FRYL: variants seen among roughly 807,000 people sequenced by gnomAD.
The protein encoded by FRYL is protein furry homolog-like.
FRYL carries 150 observed loss-of-function variants against 351.2 expected under a neutral mutation model. The ratio of observed to expected loss-of-function variants is 0.43; its 90% CI spans 0.37 to 0.49. FRYL has a LOEUF of 0.49. FRYL is among the 20% of genes least tolerant of loss of function. The pLI is 0.00. For synonymous variants in FRYL, 1,153 were observed against 1,257.1 expected (o/e 0.92, Z 1.75); for missense variants, 3,036 against 3,619.3 (o/e 0.84, Z 4.13).
intron 3 of FRYL, chr4:48,637,561 A>G (rs1754486286): frequency 7.0e-6 from 1 of 143,620 alleles, no homozygotes; most frequent in Non-Finnish European, 1.5e-5. Flanking sequence ...AATTCTAAAG[A>G]TTGCAATTCA....
intron 33 of FRYL, among the ~76,000 whole-genome samples, chr4:48,558,407 T>C (rs1734617230): frequency 6.6e-6 from 1 of 152,102 alleles, no homozygotes; most frequent in Non-Finnish European, 1.5e-5. Flanking sequence ...AAACACAAAG[T>C]AGAATTCTGA....
chr4:48,679,259 A>G (rs997753551), intron 3 of FRYL, among the ~76,000 whole-genome samples: 4 of 152,170 alleles, frequency 2.6e-5, no homozygotes, highest in African/African-American at 9.6e-5. Context: ...TCCTAATACC[A>G]GTACACACTA....
chr4:48,692,934 T>C (rs1252160709), intron 2 of FRYL, among the ~76,000 whole-genome samples: 4 of 152,208 alleles, frequency 2.6e-5, no homozygotes, highest in African/African-American at 9.6e-5. Flanking sequence ...AATACCTTGA[T>C]TGGCAATCTT....
At chr4:48,625,490 C>T (rs1383602144) in intron 4 of FRYL, among the ~76,000 whole-genome samples, 1 of 152,158 alleles carries the variant, frequency 6.6e-6, no homozygotes, top group African/African-American at 2.4e-5. Flanking sequence ...TAAAATAAAA[C>T]TGCATCTGTA....
chr4:48,571,983 G>C lies in FRYL; in HGVS notation c.2905-1065C>G, dbSNP rs1738427794. 6 of 985,128 alleles carry C rather than the reference G, an allele frequency of 6.1e-6. No homozygotes were observed. The Admixed American group carries it at 3.1e-4, about 50-fold the overall frequency. The allele number at this position is 985,128 out of a possible 1,614,324, so 61.0% of individuals were successfully genotyped here. Reference sequence around the variant, plus strand: ...AGTCATCCAGCACTGTAACCAAACTGATCATTCTGAAACAAAAATCAAATC... The same window carrying C: ...AGTCATCCAGCACTGTAACCAAACTCATCATTCTGAAACAAAAATCAAATC... On this transcript the variant is annotated intron_variant, in intron 26 of 63. Transcript: ENST00000358350.
At position 48,549,709 on chromosome 4, in the gene FRYL, T is replaced by C. The variant is rs533747723; in HGVS notation, c.4634-86A>G. Reference sequence around the variant, plus strand: ...TCTAGTAAGATCCCAACTATTTATATAGTATTGGAAAGTGATAAAAAAAAT... The same window carrying C: ...TCTAGTAAGATCCCAACTATTTATACAGTATTGGAAAGTGATAAAAAAAAT... On this transcript the variant is annotated intron_variant, in intron 38 of 63. Coordinates refer to ENST00000358350, the MANE Select transcript of FRYL (RefSeq NM_015030.2). This position sits in a 1 kb window ranked among gnomAD's most constrained non-coding sequence, Gnocchi z 4.2. The C allele has an allele frequency of 2.6e-6, 3 of 1,144,250 alleles. No homozygotes were observed. The highest frequency in any genetic ancestry group is 4.3e-5 in the Admixed American group (2 of 46,410). 70.9% of individuals were successfully genotyped at this position (1,144,250 alleles called of 1,614,324 possible).
At chr4:48,524,336 A>G (rs1014888984) in intron 53 of FRYL, among the ~76,000 whole-genome samples, 40 of 152,240 alleles carry the variant, frequency 2.6e-4, no homozygotes, top group African/African-American at 7.5e-4. Flanking sequence ...GTTTCTGAAG[A>G]TATCTTGGAA....
intron 26 of FRYL, among the ~76,000 whole-genome samples, chr4:48,572,641 A>G (rs1342513744): frequency 6.6e-6 from 1 of 152,104 alleles, no homozygotes; most frequent in Non-Finnish European, 1.5e-5. Context: ...ATTTTACTTG[A>G]GTGCGTAATA....
Position 48,590,488 on chromosome 4 carries a change from CA to C in FRYL, c.1507+170del, listed in dbSNP as rs568141622. ...ACAAAGTGAGACTCTGTCTCAAAAACAAAAACAAAAACAAAAAACAAAAAAA... is the reference window on the plus strand; with the variant it reads ...ACAAAGTGAGACTCTGTCTCAAAAACAAAACAAAAACAAAAAACAAAAAAA... On this transcript the variant is annotated intron_variant, in intron 17 of 63. Coordinates refer to ENST00000358350, the MANE Select transcript of FRYL (RefSeq NM_015030.2). Among the ~76,000 whole-genome samples, 23 of 151,586 alleles carry C rather than the reference CA, an allele frequency of 1.5e-4. No homozygotes were observed. In the East Asian group the frequency reaches 2.1e-3, roughly 14 times the overall value.
At chr4:48,569,992 T>C (rs1737905457) in intron 27 of FRYL, among the ~76,000 whole-genome samples, 1 of 152,108 alleles carries the variant, frequency 6.6e-6, no homozygotes, top group Admixed American at 6.6e-5. Context: ...GTTTGCGTTT[T>C]TTATAGAGAT....
At chr4:48,504,855 CTAA>C (rs1486292759) in intron 60 of FRYL, among the ~76,000 whole-genome samples, 1 of 151,788 alleles carries the variant, frequency 6.6e-6, no homozygotes, top group African/African-American at 2.4e-5. Context: ...ATAGTATAAC[CTAA>C]TAATAGTATA....
chr4:48,716,568 T>A (rs1337267255), intron 1 of FRYL, among the ~76,000 whole-genome samples: 1 of 151,370 alleles, frequency 6.6e-6, no homozygotes, highest in Non-Finnish European at 1.5e-5. Flanking sequence ...AAAACCACAA[T>A]GAGATATCAT....
rs546785816 is a variant in FRYL, at chr4:48,534,398, C to T, written c.6705+147G>A. ...TGGTTTTTGTCACTTACATTGAGAA[C>T]ATTTTCCATACTGCAAATATCCTGA... On this transcript the variant is annotated intron_variant, in intron 49 of 63. Coordinates refer to ENST00000358350, the MANE Select transcript of FRYL (RefSeq NM_015030.2). 25 of 648,932 alleles carry T rather than the reference C, an allele frequency of 3.9e-5. No individual in the cohort carries two copies. The African/African-American group carries it at 4.4e-4, about 11-fold the overall frequency. 40.2% of individuals were successfully genotyped at this position (648,932 alleles called of 1,614,324 possible).
chr4:48,726,780 T>A (rs577626712), intron 1 of FRYL, among the ~76,000 whole-genome samples: 1 of 152,240 alleles, frequency 6.6e-6, no homozygotes. Flanking sequence ...TGATGACTCA[T>A]AGTGCCTTTA....
chr4:48,689,903 T>C (rs971806735), intron 2 of FRYL, among the ~76,000 whole-genome samples: 1 of 149,522 alleles, frequency 6.7e-6, no homozygotes, highest in Non-Finnish European at 1.5e-5. Context: ...TTCTTTTTTT[T>C]TTTTTTTTTG....
intron 1 of FRYL, among the ~76,000 whole-genome samples, chr4:48,765,095 G>A (rs536922062): frequency 2.2e-4 from 34 of 151,980 alleles, no homozygotes; most frequent in Non-Finnish European, 3.8e-4. Flanking sequence ...CCCCCACCTC[G>A]GCCTCCCAAA....
chr4:48,707,396 T>C (rs1376017554), intron 2 of FRYL, among the ~76,000 whole-genome samples: 1 of 152,172 alleles, frequency 6.6e-6, no homozygotes, highest in Non-Finnish European at 1.5e-5. Context: ...ATACATGATG[T>C]CTAGAATTTG....
At chr4:48,606,671 AG>A in intron 9 of FRYL, 65 bp from the exon 10 acceptor site, 1 of 1,351,146 alleles carries the variant, frequency 7.4e-7, no homozygotes, top group Non-Finnish European at 1.0e-6. Context: ...ATGATATTTA[AG>A]GGTAAAAATC....
At chr4:48,719,754 C>A (rs1769252279) in intron 1 of FRYL, among the ~76,000 whole-genome samples, 1 of 151,568 alleles carries the variant, frequency 6.6e-6, no homozygotes, top group South Asian at 2.1e-4. Context: ...CAAGAACAAC[C>A]ACCCTCTATT....
Sources: allele counts gnomAD v4.1 joint callset (sites outside exome capture counted in the v4.1 genomes callset), GRCh38; gene constraint gnomAD v4.1.1; non-coding constraint Gnocchi (gnomAD v3.1); transcripts MANE v1.5; gene names NCBI Gene and HGNC (gene_info 2026-07-23, HGNC 2026-07-21).